The following GRIN2A variants were observed in gnomAD, a reference collection of about 807,000 sequenced individuals.
The protein encoded by GRIN2A is glutamate receptor ionotropic, NMDA 2A.
Under a neutral mutation model 113.4 loss-of-function variants are expected in GRIN2A, and 22 were observed. That is an observed-to-expected ratio of 0.19 (90% CI 0.14 to 0.28). The LOEUF (loss-of-function observed/expected upper bound fraction) is 0.28. Ranked by LOEUF, GRIN2A falls within the 10% of genes least tolerant of loss-of-function variation. The pLI is 1.00. For missense variants in GRIN2A, 1,502 were observed against 1,887.0 expected, an observed-to-expected ratio of 0.80 and a Z score of 3.78; for synonymous variants, 827 against 738.4, an observed-to-expected ratio of 1.12 and a Z score of -1.94.
chr16:9,834,325 A>G lies in GRIN2A; in HGVS notation c.1652-95T>C, dbSNP rs1357744450. ...AGACATCCATTTGCAGGCTCGCCAA[A>G]AATATTTTCTCTAATTTGAATCTGA... On this transcript the variant is annotated intron_variant, in intron 7 of 12. Transcript: ENST00000330684. The G allele has an allele frequency of 7.9e-6, 9 of 1,136,472 alleles. No individual in the cohort carries two copies. The East Asian group carries it at 2.1e-4, about 27-fold the overall frequency. 70.4% of individuals were successfully genotyped at this position (1,136,472 alleles called of 1,614,324 possible). A position where few individuals can be genotyped will look rare whatever the true frequency, so the allele number is the denominator to read the frequency against.
chr16:10,166,473 G>C (rs1407263389), intron 2 of GRIN2A, among the ~76,000 whole-genome samples: 2 of 152,138 alleles, frequency 1.3e-5, no homozygotes, highest in Non-Finnish European at 2.9e-5. Flanking sequence ...ACCTGTAGGG[G>C]CAGGCACCCA....
intron 3 of GRIN2A, among the ~76,000 whole-genome samples, chr16:9,936,496 G>C (rs2044716815): frequency 6.6e-6 from 1 of 152,182 alleles, no homozygotes; most frequent in African/African-American, 2.4e-5. Context: ...CTCATTATCT[G>C]AGGAATAAAG....
intron 2 of GRIN2A, among the ~76,000 whole-genome samples, chr16:10,131,162 C>T (rs2049053338): frequency 6.6e-6 from 1 of 152,158 alleles, no homozygotes; most frequent in Admixed American, 6.6e-5. Context: ...TCTGAAAACA[C>T]TTATTGACCA....
chr16:9,906,457 C>T (rs926827711), intron 3 of GRIN2A, among the ~76,000 whole-genome samples: 10 of 152,292 alleles, frequency 6.6e-5, no homozygotes, highest in South Asian at 2.1e-4. Context: ...TCTTCCCCCA[C>T]GAACCCTGGA....
intron 3 of GRIN2A, among the ~76,000 whole-genome samples, chr16:9,904,942 G>C (rs567604428): frequency 6.6e-6 from 1 of 152,206 alleles, no homozygotes. Context: ...AGTTGTCCCA[G>C]CACTGAGGTG....
chr16:10,057,455 T>C (rs542344771), intron 2 of GRIN2A, among the ~76,000 whole-genome samples: 2 of 152,190 alleles, frequency 1.3e-5, no homozygotes. Context: ...AATGGATATA[T>C]AGACAATAAA....
chr16:10,084,983 C>A (rs570719864), intron 2 of GRIN2A, among the ~76,000 whole-genome samples: 1 of 152,228 alleles, frequency 6.6e-6, no homozygotes, highest in Non-Finnish European at 1.5e-5. Flanking sequence ...AGGAACCATT[C>A]CAAGGGCCTT....
Position 10,180,323 on chromosome 16 carries a change from C to A in GRIN2A, c.89G>T (p.Gly30Val). 6.2e-7 allele frequency: 1 copy of A among 1,610,048 alleles called. No homozygotes were observed. Residue 30 changes from glycine (G) to valine (V), a missense_variant, in exon 2 of 13, where the codon GGT (glycine) becomes GTT (valine). Gly to Val is a moderately radical substitution (Grantham distance 109). Transcript: ENST00000330684. The surrounding 1 kb of genome is among the most constrained non-coding windows in gnomAD (Gnocchi z 7.0). ...CACCGCAATATTTAGCGCGGGGGGA[C>A]CCTTCTCCGCCGCCGCGCTCGGCGC... The part of the protein sequence containing the change: ...GPAPSAAAEK[G>V]PPALNIAVML...
intron 11 of GRIN2A, among the ~76,000 whole-genome samples, chr16:9,771,886 T>A (rs1192515818): frequency 6.6e-6 from 1 of 152,208 alleles, no homozygotes; most frequent in East Asian, 1.9e-4. Context: ...AATTTCTTAC[T>A]GACAGCTTCA....
chr16:9,828,379 A>G (rs2042426861), intron 9 of GRIN2A, among the ~76,000 whole-genome samples: 1 of 152,206 alleles, frequency 6.6e-6, no homozygotes, highest in Non-Finnish European at 1.5e-5. Flanking sequence ...CTCTCTTGAC[A>G]AGATTCTTTC....
intron 2 of GRIN2A, among the ~76,000 whole-genome samples, chr16:9,967,032 A>G (rs1305764950): frequency 6.6e-6 from 1 of 152,188 alleles, no homozygotes; most frequent in East Asian, 1.9e-4. Flanking sequence ...AATTCTCACT[A>G]TTAGTTCAGC....
chr16:10,044,022 T>TATATATATATATATATATATAGAG (rs531659457), intron 2 of GRIN2A, among the ~76,000 whole-genome samples: 2 of 107,982 alleles, frequency 1.9e-5, no homozygotes, highest in Admixed American at 1.1e-4. Context: ...TATATATATA[T>TATATATATATATATATATATAGAG]AGAGAGAGAG....
intron 2 of GRIN2A, among the ~76,000 whole-genome samples, chr16:9,962,530 C>T (rs2045463780): frequency 6.6e-6 from 1 of 152,046 alleles, no homozygotes; most frequent in African/African-American, 2.4e-5. Context: ...CATCACTGGC[C>T]ATCAGAGAAA....
intron 2 of GRIN2A, among the ~76,000 whole-genome samples, chr16:9,966,550 A>G (rs1320243530): frequency 6.6e-6 from 1 of 152,156 alleles, no homozygotes; most frequent in Non-Finnish European, 1.5e-5. Context: ...TTGATTCCAT[A>G]TGTTTGCTAT....
chr16:9,819,230 T>C (rs2042237340), intron 10 of GRIN2A, among the ~76,000 whole-genome samples: 2 of 152,132 alleles, frequency 1.3e-5, no homozygotes, highest in African/African-American at 2.4e-5. Context: ...TATTCAAAAT[T>C]TAATTTAGGC....
intron 8 of GRIN2A, among the ~76,000 whole-genome samples, chr16:9,830,548 G>C (rs557181734): frequency 1.3e-5 from 2 of 151,732 alleles, no homozygotes; most frequent in East Asian, 1.9e-4. Flanking sequence ...TTTAACAGGA[G>C]GTTAATTTTT....
In GRIN2A at chr16:10,180,659, T is replaced by G; in HGVS notation, c.-18-230A>C. 1.5e-6 allele frequency: 1 copy of G among 677,986 alleles called. No individual in the cohort carries two copies. Among genetic ancestry groups the G allele is most frequent in the Non-Finnish European group, 2.4e-6 (1 of 410,704 alleles). 42.0% of individuals were successfully genotyped at this position (677,986 alleles called of 1,614,324 possible). A position where few individuals can be genotyped will look rare whatever the true frequency, so the allele number is the denominator to read the frequency against. Reference sequence around the variant, plus strand: ...GCTAATTCTCCATCCCCCAGCCCCTTCTCGCATCCAGCTTCCTCATCCCCT... The same window carrying G: ...GCTAATTCTCCATCCCCCAGCCCCTGCTCGCATCCAGCTTCCTCATCCCCT... On this transcript the variant is annotated intron_variant, in intron 1 of 12. Transcript: ENST00000330684. The surrounding 1 kb of genome is among the most constrained non-coding windows in gnomAD (Gnocchi z 7.0).
intron 2 of GRIN2A, among the ~76,000 whole-genome samples, chr16:9,989,770 C>A (rs1352978355): frequency 2.0e-5 from 3 of 152,068 alleles, no homozygotes; most frequent in Admixed American, 6.5e-5. Context: ...CAGTGGTCAG[C>A]AAACATGAAA....
At chr16:9,854,753 G>A (rs552792603) in intron 4 of GRIN2A, among the ~76,000 whole-genome samples, 20 of 152,228 alleles carry the variant, frequency 1.3e-4, no homozygotes, top group Admixed American at 1.0e-3. Flanking sequence ...ATTCTGAAGT[G>A]TGAGCCAATA....
Sources: allele counts gnomAD v4.1 joint callset (sites outside exome capture counted in the v4.1 genomes callset), GRCh38; gene constraint gnomAD v4.1.1; non-coding constraint Gnocchi (gnomAD v3.1); transcripts MANE v1.5; gene names NCBI Gene and HGNC (gene_info 2026-07-23, HGNC 2026-07-21).